CLCN5: variants seen among roughly 807,000 people sequenced by gnomAD.
CLCN5 encodes the protein H(+)/Cl(-) exchange transporter 5.
A neutral mutation model predicts 54.0 loss-of-function variants in CLCN5; 17 were observed. The observed-to-expected ratio is 0.31, with a 90% CI of 0.22 to 0.47. The LOEUF is 0.47. CLCN5 is among the 20% of genes least tolerant of loss of function. The pLI, the probability that CLCN5 is intolerant of heterozygous loss-of-function variation, is 1.00. For synonymous variants in CLCN5, 222 were observed against 233.0 expected (o/e 0.95, Z 0.43); for missense variants, 448 against 646.7 (o/e 0.69, Z 3.33).
In CLCN5 at chrX:50,095,798, T is replaced by C. The variant is rs1557195492; in HGVS notation, c.*3579T>C. 8.9e-6 allele frequency: 1 copy of C among 112,038 alleles called. No individual in the cohort carries two copies. Among genetic ancestry groups the C allele is most frequent in the African/African-American group, 3.2e-5 (1 of 30,770 alleles). The allele number at this position is 112,038 out of a possible 1,213,427, so 9.2% of individuals were successfully genotyped here. A position where few individuals can be genotyped will look rare whatever the true frequency, so the allele number is the denominator to read the frequency against. On this transcript the variant is annotated 3_prime_UTR_variant, in exon 15 of 15. Coordinates refer to ENST00000376091, the MANE Select transcript of CLCN5 (RefSeq NM_001127898.4). Reference sequence around the variant, plus strand: ...TTCAAAAACTTAGTGTGCAATAGAGTCCATTATAGAAATTAACCACTGCTA... The same window carrying C: ...TTCAAAAACTTAGTGTGCAATAGAGCCCATTATAGAAATTAACCACTGCTA...
chrX:50,055,252 G>A (rs1225565711), intron 4 of CLCN5, among the ~76,000 whole-genome samples: 3 of 111,574 alleles, frequency 2.7e-5, no homozygotes, highest in African/African-American at 9.8e-5. Flanking sequence ...AAAAATCATC[G>A]CTAAAATGAT....
chrX:50,072,731 GT>G, intron 6 of CLCN5, 143 bp downstream of exon 6: 1 of 506,753 alleles, frequency 2.0e-6, no homozygotes, highest in Non-Finnish European at 3.5e-6. Context: ...GAAGCTCAAT[GT>G]CCCCATCTGT....
chrX:50,066,364 A>G (rs1933022883), intron 4 of CLCN5, among the ~76,000 whole-genome samples: 1 of 111,585 alleles, frequency 9.0e-6, no homozygotes. Context: ...TATAACAATG[A>G]TGAACTGAAA....
chrX:50,059,226 G>A (rs1232923255), intron 4 of CLCN5, among the ~76,000 whole-genome samples: 1 of 111,659 alleles, frequency 9.0e-6, no homozygotes, highest in African/African-American at 3.2e-5. Context: ...TAAAATAGTA[G>A]CAATGGCTGT....
At chrX:50,067,488 G>T (rs1933066017) in intron 4 of CLCN5, 5 of 443,776 alleles carry the variant, frequency 1.1e-5, no homozygotes, top group Non-Finnish European at 1.4e-5. Flanking sequence ...TAAGGCTTCT[G>T]TGCCCGGTTA....
chrX:49,925,934 G>A (rs946969108), intron 3 of CLCN5, among the ~76,000 whole-genome samples: 1 of 111,808 alleles, frequency 8.9e-6, no homozygotes, highest in South Asian at 3.7e-4. Context: ...TATTTTGAGC[G>A]GAGTTGCGGT....
chrX:49,943,894 T>C (rs1462306947), intron 3 of CLCN5, among the ~76,000 whole-genome samples: 5 of 111,533 alleles, frequency 4.5e-5, no homozygotes, highest in Non-Finnish European at 5.6e-5. Flanking sequence ...GGGCTCTTTT[T>C]TGGTTCCATA....
chrX:50,042,263 G>A (rs1602082215), intron 3 of CLCN5, 53 bp from the exon 4 acceptor site: 1 of 656,959 alleles, frequency 1.5e-6, no homozygotes, highest in East Asian at 3.8e-5. Flanking sequence ...AATGTTACGT[G>A]TAAGGGACTT....
At chrX:49,982,002 C>T (rs782198090) in intron 3 of CLCN5, among the ~76,000 whole-genome samples, 6 of 110,655 alleles carry the variant, frequency 5.4e-5, no homozygotes, top group Non-Finnish European at 7.6e-5. Context: ...CTTTTACTGC[C>T]ATTATCAACC....
In CLCN5 at chrX:50,089,881, G is replaced by A. The variant is rs782135925; in HGVS notation, c.1745-235G>A. ...GCCTGGGTGACAGAGCACAAAACCC[G>A]TCTCAAAAAAAGAAAGAGAGAGAAA... is the stretch of plus-strand genomic sequence containing the variant. On this transcript the variant is annotated intron_variant, in intron 12 of 14. Coordinates refer to ENST00000376091, the MANE Select transcript of CLCN5 (RefSeq NM_001127898.4). Among the ~76,000 whole-genome samples, 11 of 111,208 alleles carry A rather than the reference G, an allele frequency of 9.9e-5. No homozygotes were observed. In the South Asian group the frequency reaches 2.7e-3, roughly 27 times the overall value.
chrX:50,002,531 C>T lies in CLCN5; in HGVS notation c.17-39785C>T, dbSNP rs1451599831. On this transcript the variant is annotated intron_variant, in intron 3 of 14. Transcript: ENST00000376091. ...TTTCAAAATACATGTCTAATCTGACCACACAGCCACTTCTCATACTTCTCA... is the reference window on the plus strand; with the variant it reads ...TTTCAAAATACATGTCTAATCTGACTACACAGCCACTTCTCATACTTCTCA... Among the ~76,000 whole-genome samples, 3 of 111,809 alleles carry T rather than the reference C, an allele frequency of 2.7e-5. No individual in the cohort carries two copies. In the Admixed American group the frequency reaches 2.9e-4, roughly 11 times the overall value.
chrX:50,044,128 A>T (rs1163010534), intron 4 of CLCN5, among the ~76,000 whole-genome samples: 1 of 111,880 alleles, frequency 8.9e-6, no homozygotes, highest in African/African-American at 3.2e-5. Context: ...TAAATGAGAT[A>T]ATACATATAT....
intron 7 of CLCN5, among the ~76,000 whole-genome samples, chrX:50,077,631 T>A (rs1369105185): frequency 3.0e-5 from 3 of 98,406 alleles, no homozygotes; most frequent in African/African-American, 7.4e-5. Context: ...AGTGTGTGTG[T>A]GTGTGTGTGT....
At chrX:50,092,015 G>A (rs1341331148) in intron 14 of CLCN5, 114 bp from the exon 15 acceptor site, 5 of 538,838 alleles carry the variant, frequency 9.3e-6, no homozygotes, top group African/African-American at 9.1e-5. Flanking sequence ...TGAAAGGGCA[G>A]CTAGTGATCA....
At chrX:50,034,091 G>A (rs1931868707) in intron 3 of CLCN5, among the ~76,000 whole-genome samples, 1 of 112,357 alleles carries the variant, frequency 8.9e-6, no homozygotes, top group African/African-American at 3.2e-5. Context: ...AAATAAGCAC[G>A]TTCTATGGCA....
chrX:50,000,257 C>T (rs1039813503), intron 3 of CLCN5, among the ~76,000 whole-genome samples: 6 of 110,069 alleles, frequency 5.5e-5, no homozygotes, highest in African/African-American at 2.0e-4. Flanking sequence ...CATCCAGCAT[C>T]GCAGGACTGT....
At chrX:50,057,381 G>T (rs1475053543) in intron 4 of CLCN5, among the ~76,000 whole-genome samples, 2 of 89,384 alleles carry the variant, frequency 2.2e-5, no homozygotes, top group Non-Finnish European at 2.3e-5. Context: ...TGTGGTCCTG[G>T]ATAGATACTA....
chrX:50,033,919 C>A (rs1931860727), intron 3 of CLCN5, among the ~76,000 whole-genome samples: 1 of 111,354 alleles, frequency 9.0e-6, no homozygotes. Context: ...GAGTCCTCAC[C>A]TTTTTCTCAT....
chrX:50,094,633 A>G lies in CLCN5; in HGVS notation c.*2414A>G, dbSNP rs1165791694. ...CTACTTCAGAGAATAAATTAGAGAA[A>G]TCAGATAACACTGTGCCAAGGTATA... On this transcript the variant is annotated 3_prime_UTR_variant, in exon 15 of 15. Coordinates refer to ENST00000376091, the MANE Select transcript of CLCN5 (RefSeq NM_001127898.4). 8.9e-6 allele frequency: 1 copy of G among 112,497 alleles called. No individual in the cohort carries two copies. Among genetic ancestry groups the G allele is most frequent in the Non-Finnish European group, 1.9e-5 (1 of 53,289 alleles). The allele number at this position is 112,497 out of a possible 1,213,427, so 9.3% of individuals were successfully genotyped here. A position where few individuals can be genotyped will look rare whatever the true frequency, so the allele number is the denominator to read the frequency against.
Sources: allele counts gnomAD v4.1 joint callset (sites outside exome capture counted in the v4.1 genomes callset), GRCh38; gene constraint gnomAD v4.1.1; transcripts MANE v1.5; gene names NCBI Gene and HGNC (gene_info 2026-07-23, HGNC 2026-07-21).